BCAR3: variants seen among roughly 807,000 people sequenced by gnomAD.
BCAR3 encodes the protein BCAR3 adaptor protein, NSP family member, also known as breast cancer anti-estrogen resistance protein 3.
Under a neutral mutation model 80.1 loss-of-function variants are expected in BCAR3, and 37 were observed. The observed-to-expected ratio is 0.46, with a 90% confidence interval of 0.36 to 0.61. The LOEUF (loss-of-function observed/expected upper bound fraction) is 0.61. Among genes scored for constraint, BCAR3 ranks in the 20% least tolerant of loss-of-function variants. The probability of loss-of-function intolerance (pLI) is 0.00; values close to 1 mark genes in which losing one functional copy is unlikely to be tolerated. For synonymous variants in BCAR3, 389 were observed against 418.9 expected, an observed-to-expected ratio of 0.93 and a Z score of 0.87; for missense variants, 978 against 1,068.2, an observed-to-expected ratio of 0.92 and a Z score of 1.18.
chr1:93,691,544 G>A (rs931315063), intron 3 of BCAR3, among the ~76,000 whole-genome samples: 10 of 152,234 alleles, frequency 6.6e-5, no homozygotes, highest in African/African-American at 2.4e-4. Flanking sequence ...TTGGCAGGCA[G>A]GTGGTTGCCA....
intron 2 of BCAR3, among the ~76,000 whole-genome samples, chr1:93,735,205 G>A (rs1421494472): frequency 2.0e-5 from 3 of 152,214 alleles, no homozygotes; most frequent in Admixed American, 6.5e-5. Context: ...CTCTGGCCTG[G>A]TCAGAATTGG....
At chr1:93,779,701 T>C (rs1192822927) in intron 2 of BCAR3, among the ~76,000 whole-genome samples, 1 of 152,180 alleles carries the variant, frequency 6.6e-6, no homozygotes, top group Non-Finnish European at 1.5e-5. Flanking sequence ...GCGTAAGTTG[T>C]TCAGGAAATG....
At chr1:93,833,170 G>A (rs1333568380) in intron 2 of BCAR3, among the ~76,000 whole-genome samples, 2 of 152,152 alleles carry the variant, frequency 1.3e-5, no homozygotes, top group Admixed American at 6.5e-5. Context: ...ATGTCGGCAG[G>A]TTCCGTGATG....
intron 11 of BCAR3, among the ~76,000 whole-genome samples, chr1:93,565,852 T>C (rs1332182269): frequency 2.0e-5 from 3 of 152,224 alleles, no homozygotes; most frequent in African/African-American, 7.2e-5. Context: ...TGCCCCCACA[T>C]AGTTCTTAAC....
chr1:93,724,836 C>A (rs1571075989), intron 2 of BCAR3, among the ~76,000 whole-genome samples: 1 of 152,204 alleles, frequency 6.6e-6, no homozygotes, highest in African/African-American at 2.4e-5. Flanking sequence ...TCAAGGGTTT[C>A]TCTCCACTTC....
intron 3 of BCAR3, among the ~76,000 whole-genome samples, chr1:93,593,425 A>G (rs914717414): frequency 6.6e-6 from 1 of 152,110 alleles, no homozygotes. Flanking sequence ...ATCTCAGCTC[A>G]CTGTAGCCTT....
chr1:93,754,061 C>T (rs1651665997), intron 2 of BCAR3: 1 of 152,220 alleles, frequency 6.6e-6, no homozygotes, highest in South Asian at 2.1e-4. Context: ...AAGTATTTCT[C>T]AATCAAAATG....
intron 3 of BCAR3, among the ~76,000 whole-genome samples, chr1:93,696,196 C>CA: frequency 6.6e-6 from 1 of 152,260 alleles, no homozygotes; most frequent in South Asian, 2.1e-4. Context: ...CTGTGCCCAG[C>CA]TCTGCCTCTT....
rs1249750305 is a variant in BCAR3 at position 93,567,418 on chromosome 1, C to T, written c.2160G>A (p.Gln720=). ...TGTCGGTTCCTTCAAAAGTCACAGC[C>T]TGGCGCTCCATTAACGTCACAAGCG... The part of the protein sequence containing the change: ...LMPLVTLMER[Q]AVTFEGTDMW... The change falls in exon 11 of 12, where the codon CAG becomes CAA. Residue 720 remains glutamine, a synonymous_variant. Coordinates refer to ENST00000260502, the MANE Select transcript of BCAR3 (RefSeq NM_003567.4). The T allele has an allele frequency of 2.5e-6, 4 of 1,614,098 alleles. No homozygotes were observed. Among genetic ancestry groups the T allele is most frequent in the East Asian group, 4.5e-5 (2 of 44,890 alleles).
At chr1:93,845,807 G>C (rs1012580354) in intron 1 of BCAR3, 1 of 152,146 alleles carries the variant, frequency 6.6e-6, no homozygotes, top group Non-Finnish European at 1.5e-5. Context: ...CCCATCTTGT[G>C]TGTAAGCATG....
At chr1:93,759,634 C>T (rs1651866690) in intron 2 of BCAR3, among the ~76,000 whole-genome samples, 1 of 152,120 alleles carries the variant, frequency 6.6e-6, no homozygotes. Context: ...CTGGAAAGCC[C>T]ACTAGGTACC....
Position 93,610,623 on chromosome 1 carries a change from C to T in BCAR3, c.358-18230G>A, listed in dbSNP as rs559728224. ...ATACACAATATCATCTTATTTTAGG[C>T]GTCAATTGTCTTAATATAGTACAGT... On this transcript the variant is annotated intron_variant, in intron 3 of 11. Transcript: ENST00000260502. 8.5e-5 allele frequency among the ~76,000 whole-genome samples: 13 copies of T among 152,188 alleles called. No individual in the cohort carries two copies. The South Asian group carries it at 2.3e-3, about 27-fold the overall frequency.
chr1:93,845,502 A>ATATATTGTCAAG, intron 2 of BCAR3: 2 of 113,816 alleles, frequency 1.8e-5, no homozygotes, highest in Non-Finnish European at 1.8e-5. Context: ...ATATATATAT[A>ATATATTGTCAAG]AAACTTTGTT....
chr1:93,779,780 A>G (rs1188158023), intron 2 of BCAR3, among the ~76,000 whole-genome samples: 1 of 152,164 alleles, frequency 6.6e-6, no homozygotes, highest in East Asian at 1.9e-4. Context: ...GCAGCAAGGG[A>G]ATGGTATGTG....
At position 93,586,351 on chromosome 1, in the gene BCAR3, A is replaced by T. The variant is rs1251179934; in HGVS notation, c.930-2230T>A. ...TATTTCACTTAACATAATGATCTCC[A>T]ATTCCATCCACGTGGTTGCAAATAA... On this transcript the variant is annotated intron_variant, in intron 5 of 11. Transcript: ENST00000260502. This position sits in a 1 kb window ranked among gnomAD's most constrained non-coding sequence, Gnocchi z 4.2. Among the ~76,000 whole-genome samples the T allele has an allele frequency of 1.3e-5, 2 of 152,174 alleles. No individual in the cohort carries two copies. Among genetic ancestry groups the T allele is most frequent in the African/African-American group, 4.8e-5 (2 of 41,444 alleles).
In BCAR3 at chr1:93,575,954, C is replaced by T. The variant is rs202155413; in HGVS notation, c.1802+60G>A. ...GCGCCTCTCTTTGTTCTAAAACCTG[C>T]TGCTCTGATGCCTGGAAGGAGCTGG... On this transcript the variant is annotated intron_variant, in intron 8 of 11. Transcript: ENST00000260502. 1,919 of 1,472,918 alleles carry T rather than the reference C, an allele frequency of 1.3e-3. 3 individuals are homozygous for T. Among genetic ancestry groups the T allele is most frequent in the Non-Finnish European group, 1.7e-3 (1,771 of 1,054,634 alleles). 91.2% of individuals were successfully genotyped at this position (1,472,918 alleles called of 1,614,324 possible). A position where few individuals can be genotyped will look rare whatever the true frequency, so the allele number is the denominator to read the frequency against.
intron 2 of BCAR3, among the ~76,000 whole-genome samples, chr1:93,663,609 G>A (rs1248734954): frequency 6.6e-6 from 1 of 152,202 alleles, no homozygotes; most frequent in African/African-American, 2.4e-5. Context: ...ATGGAGAACA[G>A]GTGCTGCTAA....
chr1:93,731,641 TTAAAG>T (rs1650792160), intron 2 of BCAR3, among the ~76,000 whole-genome samples: 3 of 128,824 alleles, frequency 2.3e-5, no homozygotes, highest in South Asian at 5.1e-4. Flanking sequence ...ATAGTAGATG[TTAAAG>T]TAAAATAAAA....
rs116379110 is a variant in BCAR3, at chr1:93,607,640, C to G, written c.358-15247G>C. ...AAAAAAAGGCCCAGCATGCTCTGTT[C>G]CCCAACCACCTCTATGGGCTCATCT... On this transcript the variant is annotated intron_variant, in intron 3 of 11. Coordinates refer to ENST00000260502, the MANE Select transcript of BCAR3 (RefSeq NM_003567.4). Among the ~76,000 whole-genome samples the G allele has an allele frequency of 6.6e-3, 1,002 of 152,196 alleles. 15 individuals carry two copies. Among genetic ancestry groups the G allele is most frequent in the African/African-American group, 0.023 (938 of 41,538 alleles).
Sources: allele counts gnomAD v4.1 joint callset (sites outside exome capture counted in the v4.1 genomes callset), GRCh38; gene constraint gnomAD v4.1.1; non-coding constraint Gnocchi (gnomAD v3.1); transcripts MANE v1.5; gene names NCBI Gene and HGNC (gene_info 2026-07-23, HGNC 2026-07-21).